Variants in GNPTAB observed in about 807,000 individuals in gnomAD.
GNPTAB encodes the protein N-acetylglucosamine-1-phosphotransferase subunits alpha/beta.
GNPTAB carries 92 observed loss-of-function variants against 136.6 expected under a neutral mutation model. That is an observed-to-expected ratio of 0.67 (90% CI 0.57 to 0.80). The LOEUF (loss-of-function observed/expected upper bound fraction) is 0.80. Ranked by LOEUF, GNPTAB falls within the 30% of genes least tolerant of loss-of-function variation. The pLI is 0.00. For missense variants in GNPTAB, 1,343 were observed against 1,501.8 expected (o/e 0.89, Z 1.75); for synonymous variants, 512 against 535.1 (o/e 0.96, Z 0.60).
chr12:101,773,338 C>T (rs1953209829), intron 7 of GNPTAB: 2 of 289,646 alleles, frequency 6.9e-6, no homozygotes, highest in Middle Eastern at 7.8e-4. Context: ...TCAGAAAGCA[C>T]ATTTCCTTGG....
chr12:101,770,754 T>TA (rs1349923864), intron 8 of GNPTAB, among the ~76,000 whole-genome samples, 169 bp from the exon 9 acceptor site: 20 of 152,322 alleles, frequency 1.3e-4, no homozygotes, highest in Non-Finnish European at 2.1e-4. Flanking sequence ...AGTATATATA[T>TA]TTTTAAACCC....
In GNPTAB at chr12:101,765,129, T is replaced by G; in HGVS notation, c.1788A>C (p.Lys596Asn). ...CACTGTGCATTATGAGGTGGATGGT[T>G]TTCCACTTGTTGGCAATAGAAGCAT... ...IRHASIANKWKTIHLIMHSGM... is the reference protein window; with the variant it reads ...IRHASIANKWNTIHLIMHSGM... The change falls in exon 13 of 21, where the codon AAA becomes AAC. Residue 596 changes from lysine to asparagine, a missense_variant. By Grantham distance (94) the Lys-to-Asn change is moderately conservative. Transcript: ENST00000299314. 6.2e-7 allele frequency: 1 copy of G among 1,614,190 alleles called. No homozygotes were observed. Among genetic ancestry groups the G allele is most frequent in the Non-Finnish European group, 8.5e-7 (1 of 1,180,032 alleles).
intron 19 of GNPTAB, among the ~76,000 whole-genome samples, chr12:101,750,149 G>A (rs1952795020): frequency 6.6e-6 from 1 of 152,160 alleles, no homozygotes; most frequent in Non-Finnish European, 1.5e-5. Context: ...AGGCAGTACA[G>A]CCATTTCCTC....
chr12:101,762,387 G>A (rs1419741854), intron 13 of GNPTAB, among the ~76,000 whole-genome samples: 1 of 152,182 alleles, frequency 6.6e-6, no homozygotes, highest in African/African-American at 2.4e-5. Context: ...AGTGAAACAA[G>A]CACTGTTGTA....
rs750399203 is a variant in GNPTAB, at chr12:101,747,125, A to C, written c.*39T>G. 7 of 1,131,794 alleles carry C rather than the reference A, an allele frequency of 6.2e-6. No individual in the cohort carries two copies. The African/African-American group carries it at 1.1e-4, about 17-fold the overall frequency. The allele number at this position is 1,131,794 out of a possible 1,614,324, so 70.1% of individuals were successfully genotyped here. A position where few individuals can be genotyped will look rare whatever the true frequency, so the allele number is the denominator to read the frequency against. ...TGTGAAGCTGAGTTTTAAAATGCTC[A>C]GTAAATGCTGAGGTAGATGGTTTTC... On this transcript the variant is annotated 3_prime_UTR_variant, in exon 21 of 21. Transcript: ENST00000299314.
intron 1 of GNPTAB, 73 bp from the exon 2 acceptor site, chr12:101,796,835 T>G: frequency 2.0e-6 from 2 of 990,188 alleles, no homozygotes; most frequent in Non-Finnish European, 3.2e-6. Context: ...TCATTTTAAT[T>G]TCATTAGAAT....
intron 1 of GNPTAB, among the ~76,000 whole-genome samples, chr12:101,816,808 T>C (rs990040074): frequency 6.6e-6 from 1 of 152,182 alleles, no homozygotes; most frequent in East Asian, 1.9e-4. Context: ...TGTCCATCAA[T>C]GGATGAATGG....
chr12:101,814,346 T>C lies in GNPTAB; in HGVS notation c.117+16213A>G, dbSNP rs73394436. 2.2e-3 allele frequency among the ~76,000 whole-genome samples: 339 copies of C among 152,010 alleles called. 2 individuals carry two copies. The highest frequency in any genetic ancestry group is 7.3e-3 in the African/African-American group (304 of 41,462). ...ACTCCAAACAGCTTTGAAAAATGTATGTGGATTATGTTTATTCATATCTAC... is the reference window on the plus strand; with the variant it reads ...ACTCCAAACAGCTTTGAAAAATGTACGTGGATTATGTTTATTCATATCTAC... On this transcript the variant is annotated intron_variant, in intron 1 of 20. Coordinates refer to ENST00000299314, the MANE Select transcript of GNPTAB (RefSeq NM_024312.5).
chr12:101,754,348 C>T lies in GNPTAB; in HGVS notation c.3435-809G>A, dbSNP rs554113537. ...AGGCTGAGGCACTAGAATTGCTGAA[C>T]TCGGGAGGCAGAGGTTGCAGTCAGC... On this transcript the variant is annotated intron_variant, in intron 18 of 20. Transcript: ENST00000299314. 6.5e-4 allele frequency among the ~76,000 whole-genome samples: 99 copies of T among 151,928 alleles called. 1 individual carries two copies. The highest frequency in any genetic ancestry group is 6.8e-3 in the Middle Eastern group (2 of 294).
intron 2 of GNPTAB, among the ~76,000 whole-genome samples, chr12:101,795,575 A>G (rs1869230702): frequency 6.6e-6 from 1 of 152,052 alleles, no homozygotes; most frequent in Admixed American, 6.5e-5. Context: ...CAACATGACG[A>G]AATTCCGTCT....
chr12:101,764,175 G>T (rs1953047462), intron 13 of GNPTAB, 27 bp downstream of exon 13: 1 of 1,613,136 alleles, frequency 6.2e-7, no homozygotes, highest in African/African-American at 1.3e-5. Context: ...CTGAGCATGA[G>T]AAAGAATGAG....
chr12:101,782,998 C>A (rs1397692774), intron 5 of GNPTAB, among the ~76,000 whole-genome samples: 2 of 151,994 alleles, frequency 1.3e-5, no homozygotes, highest in South Asian at 2.1e-4. Flanking sequence ...AGAATTGCAA[C>A]CCCCTGCCCT....
At chr12:101,750,855 T>C (rs1462924551) in intron 19 of GNPTAB, among the ~76,000 whole-genome samples, 2 of 152,220 alleles carry the variant, frequency 1.3e-5, no homozygotes, top group Non-Finnish European at 2.9e-5. Context: ...AATTTCCCTT[T>C]TAAAGTGTCT....
chr12:101,830,646 G>A lies in GNPTAB; in HGVS notation c.30C>T (p.Thr10=). 1 of 1,610,584 alleles carries A rather than the reference G, an allele frequency of 6.2e-7. No individual in the cohort carries two copies. The highest frequency in any genetic ancestry group is 1.1e-5 in the South Asian group (1 of 90,996). ...CATACCTGTGGGACAGGCAGGTATA[G>A]GTCTGTCTCTGCAGGAGCTTGAACA... MLFKLLQRQ[T]YTCLSHRYGL... Residue 10 remains threonine, a synonymous_variant, in exon 1 of 21, where the codon ACC becomes ACT. Transcript: ENST00000299314.
intron 2 of GNPTAB, among the ~76,000 whole-genome samples, chr12:101,794,825 G>C (rs1409199398): frequency 1.3e-5 from 2 of 152,056 alleles, no homozygotes; most frequent in Non-Finnish European, 2.9e-5. Flanking sequence ...TCAGCACTTT[G>C]GGAGGTCAAG....
chr12:101,791,650 A>G (rs1422468680), intron 2 of GNPTAB, among the ~76,000 whole-genome samples: 2 of 152,170 alleles, frequency 1.3e-5, no homozygotes, highest in Non-Finnish European at 2.9e-5. Context: ...TGGGTTTTGC[A>G]GTTTTATTTT....
chr12:101,795,163 A>G (rs1208533886), intron 2 of GNPTAB, among the ~76,000 whole-genome samples: 4 of 152,212 alleles, frequency 2.6e-5, no homozygotes, highest in African/African-American at 7.2e-5. Context: ...CAGACCAGCA[A>G]CTTTGGTATT....
chr12:101,791,269 C>T (rs1868971167), intron 2 of GNPTAB, among the ~76,000 whole-genome samples: 1 of 152,290 alleles, frequency 6.6e-6, no homozygotes, highest in Admixed American at 6.5e-5. Flanking sequence ...CAAAAACCTA[C>T]CCATCTTTCA....
In GNPTAB at chr12:101,826,877, G is replaced by A. The variant is rs549547743; in HGVS notation, c.117+3682C>T. Among the ~76,000 whole-genome samples the A allele has an allele frequency of 4.5e-4, 68 of 149,924 alleles. 2 individuals carry two copies. In the South Asian group the frequency reaches 0.014, roughly 31 times the overall value. On this transcript the variant is annotated intron_variant, in intron 1 of 20. Coordinates refer to ENST00000299314, the MANE Select transcript of GNPTAB (RefSeq NM_024312.5). ...CTAATTTACAATAGACTGATTACCT[G>A]CTACCTACAGTCCAAGGCAATGCAT...
Sources: allele counts gnomAD v4.1 joint callset (sites outside exome capture counted in the v4.1 genomes callset), GRCh38; gene constraint gnomAD v4.1.1; transcripts MANE v1.5; gene names NCBI Gene and HGNC (gene_info 2026-07-23, HGNC 2026-07-21).